Variants in GRK1 observed in about 807,000 individuals in gnomAD.
GRK1 encodes rhodopsin kinase GRK1.
In GRK1, 28 loss-of-function variants were observed where a neutral mutation model predicts 41.7. The observed-to-expected ratio is 0.67, with a 90% confidence interval of 0.50 to 0.92. The LOEUF is 0.92. GRK1 is among the 40% of genes least tolerant of loss of function. GRK1 has a pLI of 0.00. For missense variants in GRK1, 703 were observed against 671.2 expected (o/e 1.05, Z -0.52); for synonymous variants, 327 against 286.7 (o/e 1.14, Z -1.42).
the GRK1 span, chr13:113,650,539 C>T: frequency 4.2e-5 from 66 of 1,578,396 alleles, 1 homozygote; most frequent in Middle Eastern, 1.7e-4. The surrounding 1 kb of genome is among the most constrained non-coding windows in gnomAD (Gnocchi z 5.0). Context: ...CTGAGTCAGG[C>T]GGGAGCTGGT....
rs1451052668 is a variant in GRK1 at position 113,671,297 on chromosome 13, T to C, written c.828-202T>C. Among the ~76,000 whole-genome samples, 2 of 152,108 alleles carry C rather than the reference T, an allele frequency of 1.3e-5. No homozygotes were observed. Among genetic ancestry groups the C allele is most frequent in the Non-Finnish European group, 2.9e-5 (2 of 68,012 alleles). On this transcript the variant is annotated intron_variant, in intron 2 of 6. Coordinates refer to ENST00000335678, the MANE Select transcript of GRK1 (RefSeq NM_002929.3). The surrounding 1 kb of genome is among the most constrained non-coding windows in gnomAD (Gnocchi z 4.1). The stretch of plus-strand genomic sequence containing the variant: ...GACAGCACTTTCTCCCTGTTAGCAG[T>C]TGGGGTTCAGGGTCCCTGAGCTGCT...
rs550514685 is a variant in GRK1 at position 113,735,933 on chromosome 13, C to G, written c.*570C>G. 6.6e-6 allele frequency: 1 copy of G among 152,336 alleles called. No homozygotes were observed. The highest frequency in any genetic ancestry group is 1.9e-4 in the East Asian group (1 of 5,160). The allele number at this position is 152,336 out of a possible 1,614,324, so 9.4% of individuals were successfully genotyped here. A position where few individuals can be genotyped will look rare whatever the true frequency, so the allele number is the denominator to read the frequency against. ...GCTGGTGGCCTGCACGCCACATGGT[C>G]CCCTGCACCCTGCGGCGCCGTGGTC... On this transcript the variant is annotated 3_prime_UTR_variant, in exon 7 of 7. Coordinates refer to ENST00000335678, the MANE Select transcript of GRK1 (RefSeq NM_002929.3).
chr13:113,727,956 TGG>T lies in GRK1; in HGVS notation c.1070-3262_1070-3261del, dbSNP rs1188422661. ...TACCCATGGCGATGAGGAGTACCCA[TGG>T]TGATGAGGACCCATGGCGATGAGGA... On this transcript the variant is annotated intron_variant, in intron 4 of 6. Transcript: ENST00000335678. Among the ~76,000 whole-genome samples, 70 of 68,046 alleles carry T rather than the reference TGG, an allele frequency of 1.0e-3. 5 individuals are homozygous for T. Among genetic ancestry groups the T allele is most frequent in the African/African-American group, 5.5e-3 (61 of 11,188 alleles). The allele number at this position is 68,046 out of a possible 152,430, so 44.6% of individuals were successfully genotyped here. A position where few individuals can be genotyped will look rare whatever the true frequency, so the allele number is the denominator to read the frequency against.
chr13:113,652,438 T>A, the GRK1 span, among the ~76,000 whole-genome samples: 2 of 152,224 alleles, frequency 1.3e-5, no homozygotes, highest in Non-Finnish European at 2.9e-5. Flanking sequence ...GGACCTGCCC[T>A]GCTCGAGCCT....
chr13:113,734,101 C>T (rs2049984375), intron 6 of GRK1, among the ~76,000 whole-genome samples: 1 of 152,190 alleles, frequency 6.6e-6, no homozygotes, highest in African/African-American at 2.4e-5. Flanking sequence ...TGCACTTTTG[C>T]ATCTGAGACA....
the GRK1 span, chr13:113,652,790 C>T: frequency 1.3e-6 from 2 of 1,499,862 alleles, no homozygotes; most frequent in Non-Finnish European, 1.8e-6. Flanking sequence ...AGACAGGACA[C>T]CTGTGCTCCT....
intron 3 of GRK1, among the ~76,000 whole-genome samples, chr13:113,672,208 G>T (rs1397962505): frequency 6.6e-6 from 1 of 151,766 alleles, no homozygotes; most frequent in Non-Finnish European, 1.5e-5. Context: ...TGTGTGTTGT[G>T]TGTGGTGTGT....
intron 5 of GRK1, 150 bp from the exon 6 acceptor site, chr13:113,732,734 A>G (rs1323064958): frequency 4.0e-6 from 3 of 745,110 alleles, no homozygotes. Context: ...CTGGAGCCTC[A>G]AACGCTGCTG....
the GRK1 span, chr13:113,649,116 C>T: frequency 4.1e-5 from 13 of 320,292 alleles, no homozygotes; most frequent in Admixed American, 2.3e-4. The surrounding 1 kb of genome is among the most constrained non-coding windows in gnomAD (Gnocchi z 4.7). Context: ...TGCTGCCTTG[C>T]GTTCCCATGG....
intron 4 of GRK1, among the ~76,000 whole-genome samples, chr13:113,725,253 T>C (rs1372470310): frequency 6.6e-6 from 1 of 151,500 alleles, no homozygotes; most frequent in Non-Finnish European, 1.5e-5. Flanking sequence ...GCCAGTGCGG[T>C]GCGGACCCAG....
chr13:113,658,644 C>T, the GRK1 span, among the ~76,000 whole-genome samples: 2 of 152,178 alleles, frequency 1.3e-5, no homozygotes, highest in African/African-American at 2.4e-5. Flanking sequence ...CCGCTGCGGC[C>T]GCCCCGATTC....
At chr13:113,734,035 T>TGC (rs1491211489) in intron 6 of GRK1, among the ~76,000 whole-genome samples, 21 of 130,284 alleles carry the variant, frequency 1.6e-4, no homozygotes, top group African/African-American at 5.4e-4. Context: ...TGCGTGTGCG[T>TGC]ATGTGTGTGT....
the GRK1 span, chr13:113,654,922 C>T: frequency 2.8e-3 from 4,487 of 1,614,206 alleles, 53 homozygotes; most frequent in South Asian, 0.021. Context: ...TAGAAGGCCA[C>T]GTAGTACAGG....
At position 113,735,895 on chromosome 13, in the gene GRK1, G is replaced by GC. The variant is rs1321428446; in HGVS notation, c.*535dup. On this transcript the variant is annotated 3_prime_UTR_variant, in exon 7 of 7. Coordinates refer to ENST00000335678, the MANE Select transcript of GRK1 (RefSeq NM_002929.3). The stretch of plus-strand genomic sequence containing the variant: ...TGTGCAGGCTCCTGACTTCCAGGGT[G>GC]CCCGGGCCCTGTGCTGGTGGCCTGC... 6.6e-6 allele frequency: 1 copy of GC among 152,476 alleles called. No individual in the cohort carries two copies. The highest frequency in any genetic ancestry group is 1.5e-5 in the Non-Finnish European group (1 of 68,272). The allele number at this position is 152,476 out of a possible 1,614,324, so 9.4% of individuals were successfully genotyped here.
At chr13:113,650,602 G>T in the GRK1 span, 1 of 893,622 alleles carries the variant, frequency 1.1e-6, no homozygotes, top group African/African-American at 1.7e-5. The surrounding 1 kb of genome is among the most constrained non-coding windows in gnomAD (Gnocchi z 5.0). Flanking sequence ...CACACGCGCT[G>T]TGTAGGTGCT....
chr13:113,650,298 A>G, the GRK1 span: 1 of 1,092,450 alleles, frequency 9.2e-7, no homozygotes, highest in Admixed American at 2.0e-5. The surrounding 1 kb of genome is among the most constrained non-coding windows in gnomAD (Gnocchi z 5.0). Flanking sequence ...CGGCTAAGTC[A>G]CACCTTTGTT....
upstream of GRK1, among the ~76,000 whole-genome samples, chr13:113,662,433 C>T (rs1419300677): frequency 6.6e-6 from 1 of 152,138 alleles, no homozygotes; most frequent in Non-Finnish European, 1.5e-5. Flanking sequence ...CAACATTGTA[C>T]TGGAAGTTCT....
At chr13:113,733,216 C>T in intron 6 of GRK1, 131 bp downstream of exon 6, 1 of 802,870 alleles carries the variant, frequency 1.2e-6, no homozygotes. Context: ...TCCCTCTGCC[C>T]CCAGCAAGGC....
intron 4 of GRK1, among the ~76,000 whole-genome samples, chr13:113,728,111 G>A (rs1367405896): frequency 1.1e-5 from 1 of 89,292 alleles, no homozygotes; most frequent in Non-Finnish European, 2.1e-5. Flanking sequence ...GCAATGAGGA[G>A]TACCCATGGC....
Sources: allele counts gnomAD v4.1 joint callset (sites outside exome capture counted in the v4.1 genomes callset), GRCh38; gene constraint gnomAD v4.1.1; non-coding constraint Gnocchi (gnomAD v3.1); transcripts MANE v1.5; gene names NCBI Gene and HGNC (gene_info 2026-07-23, HGNC 2026-07-21).